The following CASK variants were observed in gnomAD, a reference collection of about 807,000 sequenced individuals.
CASK encodes the protein peripheral plasma membrane protein CASK.
In CASK, 4 loss-of-function variants were observed where a neutral mutation model predicts 82.9. The observed-to-expected ratio is 0.05, with a 90% confidence interval of 0.02 to 0.11. CASK has a LOEUF of 0.11. Ranked by LOEUF, CASK falls within the 10% of genes least tolerant of loss-of-function variation. CASK has a pLI of 1.00. For missense variants in CASK, 358 were observed against 720.9 expected, an observed-to-expected ratio of 0.50 and a Z score of 5.76; for synonymous variants, 259 against 253.5, an observed-to-expected ratio of 1.02 and a Z score of -0.20.
At chrX:41,767,867 T>C (rs752500874) in intron 3 of CASK, among the ~76,000 whole-genome samples, 18 of 111,602 alleles carry the variant, frequency 1.6e-4, no homozygotes, top group African/African-American at 5.5e-4. Flanking sequence ...TTGGTGAAGA[T>C]AATCTGTTAG....
chrX:41,847,205 T>C (rs1265328080), intron 2 of CASK, among the ~76,000 whole-genome samples: 1 of 111,941 alleles, frequency 8.9e-6, no homozygotes, highest in Non-Finnish European at 1.9e-5. Context: ...TCTACTCCTT[T>C]CTCTCCATTC....
At chrX:41,593,391 A>T (rs2065774152) in intron 12 of CASK, among the ~76,000 whole-genome samples, 1 of 111,706 alleles carries the variant, frequency 9.0e-6, no homozygotes, top group Non-Finnish European at 1.9e-5. Context: ...GTTCATCCAC[A>T]TACCCATCCA....
intron 12 of CASK, among the ~76,000 whole-genome samples, chrX:41,609,178 C>T (rs780670988): frequency 6.3e-5 from 7 of 111,032 alleles, no homozygotes; most frequent in African/African-American, 2.3e-4. Flanking sequence ...TGCAATGGAG[C>T]GATCTCGGCT....
In CASK at chrX:41,557,061, C is replaced by G. The variant is rs780588221; in HGVS notation, c.1777G>C (p.Gly593Arg). 11 of 1,207,694 alleles carry G rather than the reference C, an allele frequency of 9.1e-6. No individual in the cohort carries two copies. In the Admixed American group the frequency reaches 1.5e-4, roughly 17 times the overall value. Reference protein sequence around the residue: ...PSTSRQSPANGHSSTNNSVSD... With the variant: ...PSTSRQSPANRHSSTNNSVSD... ...ACAGAATTGTTAGTGCTGCTATGACCATTAGCTGGGGACTGTCTGGAAGTG... is the reference window on the plus strand; with the variant it reads ...ACAGAATTGTTAGTGCTGCTATGACGATTAGCTGGGGACTGTCTGGAAGTG... The change falls in exon 19 of 27, where the codon GGT (glycine) becomes CGT (arginine). Residue 593 changes from glycine to arginine, a missense_variant. Physicochemically the swap from Gly to Arg is moderately radical, Grantham distance 125. Transcript: ENST00000378163.
At chrX:41,579,183 A>G (rs891015827) in intron 14 of CASK, among the ~76,000 whole-genome samples, 2 of 112,187 alleles carry the variant, frequency 1.8e-5, no homozygotes, top group Non-Finnish European at 3.8e-5. Flanking sequence ...TGACGCTTTT[A>G]TATAACCCAA....
At chrX:41,758,886 T>C (rs2068945846) in intron 3 of CASK, among the ~76,000 whole-genome samples, 1 of 112,270 alleles carries the variant, frequency 8.9e-6, no homozygotes, top group African/African-American at 3.2e-5. Context: ...TATCCTCAAA[T>C]GCCTCTTTAC....
intron 5 of CASK, among the ~76,000 whole-genome samples, chrX:41,673,554 G>A (rs1320222304): frequency 8.9e-6 from 1 of 111,915 alleles, no homozygotes; most frequent in Non-Finnish European, 1.9e-5. Context: ...CTAGGGAATT[G>A]CTATTTTAGT....
chrX:41,768,255 T>C (rs1371359916), intron 3 of CASK, among the ~76,000 whole-genome samples: 1 of 111,184 alleles, frequency 9.0e-6, no homozygotes, highest in East Asian at 2.8e-4. Flanking sequence ...TTTCCAGCCC[T>C]AGAATTTATA....
intron 5 of CASK, among the ~76,000 whole-genome samples, chrX:41,733,626 G>A (rs1483012303): frequency 9.1e-6 from 1 of 109,337 alleles, no homozygotes; most frequent in Non-Finnish European, 1.9e-5. Context: ...GCGGGCACCT[G>A]TAGTCCCAGC....
At chrX:41,582,634 T>A (rs1284659878) in intron 14 of CASK, among the ~76,000 whole-genome samples, 3 of 111,789 alleles carry the variant, frequency 2.7e-5, no homozygotes, top group Non-Finnish European at 5.6e-5. Flanking sequence ...ATTAAAAAAA[T>A]AAATAAATTG....
At chrX:41,739,325 T>C in intron 5 of CASK, 59 bp downstream of exon 5, 1 of 720,237 alleles carries the variant, frequency 1.4e-6, no homozygotes, top group Non-Finnish European at 2.2e-6. Flanking sequence ...TTCTTGATTA[T>C]CATTGTTATA....
rs1039129372 is a variant in CASK at position 41,597,317 on chromosome X, G to T, written c.1156-7725C>A. Among the ~76,000 whole-genome samples the T allele has an allele frequency of 4.4e-5, 5 of 112,430 alleles. No homozygotes were observed. The Admixed American group carries it at 4.7e-4, about 11-fold the overall frequency. On this transcript the variant is annotated intron_variant, in intron 12 of 26. Coordinates refer to ENST00000378163, the MANE Select transcript of CASK (RefSeq NM_001367721.1). Reference sequence around the variant, plus strand: ...GCAACTATACTGTAGGCATAGGCTTGTAGGGTTGCAAAGAACATTGATGTT... The same window carrying T: ...GCAACTATACTGTAGGCATAGGCTTTTAGGGTTGCAAAGAACATTGATGTT...
chrX:41,703,553 G>T (rs761247167), intron 5 of CASK, among the ~76,000 whole-genome samples: 1 of 112,371 alleles, frequency 8.9e-6, no homozygotes, highest in South Asian at 3.7e-4. Context: ...CACTGATGTA[G>T]TGTTTTACTG....
intron 11 of CASK, among the ~76,000 whole-genome samples, chrX:41,616,299 G>GT (rs1352611178): frequency 1.8e-5 from 2 of 111,896 alleles, no homozygotes; most frequent in Non-Finnish European, 3.8e-5. Context: ...ATTCTTGAGT[G>GT]TTTATTATGT....
chrX:41,518,899 G>C lies in CASK; in HGVS notation c.*1521C>G, dbSNP rs1170652631. On this transcript the variant is annotated 3_prime_UTR_variant, in exon 27 of 27. Transcript: ENST00000378163. ...TGGAAGAATGTGACTTCATGGAAGA[G>C]TTATGAGATGGTTAATGTCTCTAAA... The C allele has an allele frequency of 8.9e-6, 1 of 111,766 alleles. No individual in the cohort carries two copies. The highest frequency in any genetic ancestry group is 2.8e-4 in the East Asian group (1 of 3,583). 9.2% of individuals were successfully genotyped at this position (111,766 alleles called of 1,213,427 possible).
rs1197390940 is a variant in CASK, at chrX:41,636,304, GATA to G, written c.915+271_915+273del. ...TCTAGATTCATATTCAATAATAATG[GATA>G]ATAATATATCTCTGCTATAAATTTA... On this transcript the variant is annotated intron_variant, in intron 9 of 26. Coordinates refer to ENST00000378163, the MANE Select transcript of CASK (RefSeq NM_001367721.1). 8.1e-5 allele frequency among the ~76,000 whole-genome samples: 9 copies of G among 111,611 alleles called. No individual in the cohort carries two copies. In the Admixed American group the frequency reaches 8.7e-4, roughly 11 times the overall value.
intron 5 of CASK, among the ~76,000 whole-genome samples, chrX:41,676,806 A>T (rs1454325927): frequency 1.8e-5 from 2 of 112,814 alleles, no homozygotes; most frequent in African/African-American, 6.4e-5. Flanking sequence ...GACTAGAGTG[A>T]CAGAAGCAGA....
chrX:41,819,334 C>T (rs1394488965), intron 2 of CASK, among the ~76,000 whole-genome samples: 1 of 110,915 alleles, frequency 9.0e-6, no homozygotes, highest in African/African-American at 3.3e-5. Context: ...TAAAGATATA[C>T]CAATATATCC....
rs372838047 is a variant in CASK at position 41,779,829 on chromosome X, G to A, written c.278+7349C>T. ...AATTTCACAAACACTCCCTTCCCCA[G>A]GCATAAATACTAGACCAAAAAAAAA... On this transcript the variant is annotated intron_variant, in intron 3 of 26. Coordinates refer to ENST00000378163, the MANE Select transcript of CASK (RefSeq NM_001367721.1). Among the ~76,000 whole-genome samples the A allele has an allele frequency of 6.0e-4, 66 of 109,390 alleles. 1 individual carries two copies. The East Asian group carries it at 0.011, about 18-fold the overall frequency. 95.0% of individuals were successfully genotyped at this position (109,390 alleles called of 115,157 possible).
Sources: gnomAD v4.1 joint callset for allele counts (sites outside exome capture counted in the v4.1 genomes callset) on GRCh38, gnomAD v4.1.1 for gene constraint, MANE v1.5 for transcripts, NCBI Gene and HGNC (gene_info 2026-07-23, HGNC 2026-07-21) for gene names.